LARP4B: variants seen among roughly 807,000 people sequenced by gnomAD.
LARP4B encodes la-related protein 4B.
In LARP4B, 12 loss-of-function variants were observed where a neutral mutation model predicts 89.8. The observed-to-expected ratio is 0.13, with a 90% CI of 0.09 to 0.22. The LOEUF is 0.22. Ranked by LOEUF, LARP4B falls within the 10% of genes least tolerant of loss-of-function variation. The probability of loss-of-function intolerance (pLI) is 1.00; values close to 1 mark genes in which losing one functional copy is unlikely to be tolerated. For synonymous variants in LARP4B, 367 were observed against 363.3 expected (o/e 1.01, Z -0.12); for missense variants, 757 against 947.7 (o/e 0.80, Z 2.64).
the LARP4B span, among the ~76,000 whole-genome samples, chr10:946,602 C>T: frequency 2.6e-5 from 4 of 152,230 alleles, no homozygotes; most frequent in African/African-American, 4.8e-5. Context: ...GTAACATGAC[C>T]GGGGTTGGGG....
At chr10:960,867 A>G in the LARP4B span, among the ~76,000 whole-genome samples, 1 of 152,142 alleles carries the variant, frequency 6.6e-6, no homozygotes, top group Non-Finnish European at 1.5e-5. Context: ...GTCATCATTT[A>G]TATTCTCAGA....
At chr10:813,855 G>A (rs1055669000) in intron 17 of LARP4B, among the ~76,000 whole-genome samples, 1 of 148,330 alleles carries the variant, frequency 6.7e-6, no homozygotes, top group Non-Finnish European at 1.5e-5. Flanking sequence ...AGGCTGGAGT[G>A]CAGCAGTGCA....
rs138157798 is a variant in LARP4B at position 905,904 on chromosome 10, C to T, written c.-39-20144G>A. Among the ~76,000 whole-genome samples the T allele has an allele frequency of 2.5e-3, 379 of 152,314 alleles. 3 individuals are homozygous for T. The highest frequency in any genetic ancestry group is 8.4e-3 in the African/African-American group (348 of 41,570). ...AACAGACCAGCCTTTCCCTTGAAGC[C>T]CACTCTACCCTCTTCCACTTCGTCA... On this transcript the variant is annotated intron_variant, in intron 1 of 17. Transcript: ENST00000316157.
rs1831681463 is a variant in LARP4B, at chr10:809,881, C to CCTGAA, written c.*3040_*3044dup. ...CGGATACACTGAACTGGTTTTGAAG[C>CCTGAA]CTGAACTGCAGAGATCCTAATATAG... is the stretch of plus-strand genomic sequence containing the variant. On this transcript the variant is annotated 3_prime_UTR_variant, in exon 18 of 18. Transcript: ENST00000316157. 6.6e-6 allele frequency: 1 copy of CCTGAA among 152,572 alleles called. No homozygotes were observed. Among genetic ancestry groups the CCTGAA allele is most frequent in the Non-Finnish European group, 1.5e-5 (1 of 68,052 alleles). 9.5% of individuals were successfully genotyped at this position (152,572 alleles called of 1,614,324 possible).
chr10:821,446 C>G (rs142333416), intron 13 of LARP4B, among the ~76,000 whole-genome samples: 49 of 152,300 alleles, frequency 3.2e-4, no homozygotes, highest in African/African-American at 1.0e-3. Flanking sequence ...GCAGCAAGGC[C>G]ACGCCACACA....
intron 1 of LARP4B, among the ~76,000 whole-genome samples, chr10:905,746 A>AC (rs1461517574): frequency 6.6e-6 from 1 of 151,940 alleles, no homozygotes; most frequent in Non-Finnish European, 1.5e-5. Context: ...GCAGGACTGG[A>AC]CGTCCTCCTG....
At chr10:918,012 T>C (rs1836872011) in intron 1 of LARP4B, among the ~76,000 whole-genome samples, 1 of 152,226 alleles carries the variant, frequency 6.6e-6, no homozygotes, top group Non-Finnish European at 1.5e-5. Context: ...GAGTTTTTAT[T>C]GTTTTCCTAC....
the LARP4B span, among the ~76,000 whole-genome samples, chr10:984,744 G>A: frequency 1.8e-4 from 27 of 152,208 alleles, no homozygotes; most frequent in African/African-American, 5.1e-4. Flanking sequence ...ACAACATGGC[G>A]AAATCTCCCC....
the LARP4B span, among the ~76,000 whole-genome samples, chr10:969,731 A>C: frequency 3.3e-5 from 5 of 152,210 alleles, no homozygotes; most frequent in African/African-American, 1.2e-4. Context: ...TCTGTCTCAA[A>C]AAAAAATAAA....
intron 6 of LARP4B, among the ~76,000 whole-genome samples, chr10:843,981 C>T (rs1372815517): frequency 1.3e-5 from 2 of 152,196 alleles, no homozygotes; most frequent in African/African-American, 4.8e-5. Context: ...ATCAATGTTT[C>T]CTGTGAATTC....
chr10:938,920 A>G, the LARP4B span, among the ~76,000 whole-genome samples: 20 of 152,242 alleles, frequency 1.3e-4, no homozygotes, highest in African/African-American at 4.8e-4. Flanking sequence ...CTAAAGAGGA[A>G]GCAGTTGGTA....
At chr10:877,492 A>G (rs1382481019) in intron 3 of LARP4B, among the ~76,000 whole-genome samples, 1 of 152,206 alleles carries the variant, frequency 6.6e-6, no homozygotes, top group Non-Finnish European at 1.5e-5. Flanking sequence ...CCAAATACAA[A>G]GTATTTCCTC....
At chr10:912,262 A>G (rs922702632) in intron 1 of LARP4B, among the ~76,000 whole-genome samples, 5 of 152,202 alleles carry the variant, frequency 3.3e-5, no homozygotes, top group Admixed American at 2.0e-4. Context: ...CACTAACACT[A>G]ATGACAGCTG....
chr10:973,034 G>A, the LARP4B span: 6 of 376,932 alleles, frequency 1.6e-5, no homozygotes, highest in East Asian at 1.4e-4. Context: ...AATGGGAGAA[G>A]TCGAGGGGCA....
At chr10:887,852 C>T (rs1835907079) in intron 1 of LARP4B, among the ~76,000 whole-genome samples, 1 of 151,526 alleles carries the variant, frequency 6.6e-6, no homozygotes, top group South Asian at 2.1e-4. Flanking sequence ...TGTGAAACCC[C>T]AATCTACTAA....
chr10:967,092 A>G, the LARP4B span, among the ~76,000 whole-genome samples: 3 of 152,220 alleles, frequency 2.0e-5, no homozygotes, highest in East Asian at 1.9e-4. Context: ...TCACGGAACA[A>G]TGTGGCCACA....
chr10:860,310 T>G (rs914418303), intron 5 of LARP4B, among the ~76,000 whole-genome samples: 16 of 152,076 alleles, frequency 1.1e-4, no homozygotes, highest in African/African-American at 3.9e-4. Flanking sequence ...GCAGCTAAAA[T>G]TAAAGACTGA....
chr10:904,029 AAAATCTG>A lies in LARP4B; in HGVS notation c.-39-18276_-39-18270del, dbSNP rs553288906. Among the ~76,000 whole-genome samples the A allele has an allele frequency of 1.4e-3, 208 of 152,326 alleles. 1 individual carries two copies. Among genetic ancestry groups the A allele is most frequent in the African/African-American group, 4.8e-3 (200 of 41,570 alleles). ...ATACAAGCTGAGCAGCACTAATCTG[AAAATCTG>A]AAATCTGAAATCCTCCAAAATCTAA... On this transcript the variant is annotated intron_variant, in intron 1 of 17. Coordinates refer to ENST00000316157, the MANE Select transcript of LARP4B (RefSeq NM_015155.3).
At chr10:983,419 C>T in the LARP4B span, among the ~76,000 whole-genome samples, 1 of 152,210 alleles carries the variant, frequency 6.6e-6, no homozygotes, top group African/African-American at 2.4e-5. Flanking sequence ...AACAAAATAC[C>T]AGACTGAGTG....
Sources: allele counts gnomAD v4.1 joint callset (sites outside exome capture counted in the v4.1 genomes callset), GRCh38; gene constraint gnomAD v4.1.1; transcripts MANE v1.5; gene names NCBI Gene and HGNC (gene_info 2026-07-23, HGNC 2026-07-21).